Variants in ESCO2 observed in about 807,000 individuals in gnomAD.
ESCO2 encodes establishment of sister chromatid cohesion N-acetyltransferase 2, also known as N-acetyltransferase ESCO2.
ESCO2 carries 51 observed loss-of-function variants against 61.7 expected under a neutral mutation model. The observed-to-expected ratio is 0.83, with a 90% CI of 0.66 to 1.04. ESCO2 has a LOEUF of 1.04. Among genes scored for constraint, ESCO2 ranks in the 50% least tolerant of loss-of-function variants. The pLI is 0.00. For synonymous variants in ESCO2, 230 were observed against 238.2 expected (o/e 0.97, Z 0.32); for missense variants, 692 against 686.2 (o/e 1.01, Z -0.09).
At chr8:27,777,887 G>A (rs893451178) in intron 3 of ESCO2, 2 of 152,172 alleles carry the variant, frequency 1.3e-5, no homozygotes, top group Non-Finnish European at 2.9e-5. Flanking sequence ...TTATAGTCAT[G>A]TCTTTCCTAA....
chr8:27,808,797 TA>T (rs1275325097), downstream of ESCO2, among the ~76,000 whole-genome samples: 1 of 150,576 alleles, frequency 6.6e-6, no homozygotes, highest in Non-Finnish European at 1.5e-5. Flanking sequence ...AGAACAAGAA[TA>T]AAAAAAATTT....
Position 27,789,291 on chromosome 8 carries a change from C to T in ESCO2, c.1263+313C>T, listed in dbSNP as rs1805121156. Reference sequence around the variant, plus strand: ...TTTTTCTGAGAGGAGAGGTCCCACCCATTTATTAAACACCTTTCAAGTCCA... The same window carrying T: ...TTTTTCTGAGAGGAGAGGTCCCACCTATTTATTAAACACCTTTCAAGTCCA... On this transcript the variant is annotated intron_variant, in intron 7 of 10. Transcript: ENST00000305188. 2.0e-5 allele frequency among the ~76,000 whole-genome samples: 3 copies of T among 152,270 alleles called. No individual in the cohort carries two copies. The South Asian group carries it at 6.2e-4, about 32-fold the overall frequency.
downstream of ESCO2, among the ~76,000 whole-genome samples, chr8:27,813,557 A>G (rs927754063): frequency 6.6e-6 from 1 of 151,998 alleles, no homozygotes; most frequent in Non-Finnish European, 1.5e-5. Flanking sequence ...TGTTTGATAT[A>G]TGTAAACACT....
At chr8:27,819,387 T>A in the ESCO2 span, among the ~76,000 whole-genome samples, 1 of 152,146 alleles carries the variant, frequency 6.6e-6, no homozygotes, top group African/African-American at 2.4e-5. Context: ...TTTGAACATA[T>A]CAAATAGGGT....
At chr8:27,810,302 T>A (rs1805646529), downstream of ESCO2, 1 of 1,599,650 alleles carries the variant, frequency 6.3e-7, no homozygotes. Flanking sequence ...GCTGAGATGA[T>A]CACTAGACAT....
intron 10 of ESCO2, among the ~76,000 whole-genome samples, chr8:27,800,947 G>A (rs1004277052): frequency 6.6e-6 from 1 of 152,132 alleles, no homozygotes; most frequent in African/African-American, 2.4e-5. Flanking sequence ...GAGGAAAGAT[G>A]AATGGAGAGC....
At chr8:27,806,967 G>A (rs927616047), downstream of ESCO2, among the ~76,000 whole-genome samples, 2 of 151,824 alleles carry the variant, frequency 1.3e-5, no homozygotes, top group African/African-American at 2.4e-5. Context: ...CATCTTGTTT[G>A]CTGATATATA....
intron 7 of ESCO2, among the ~76,000 whole-genome samples, 189 bp downstream of exon 7, chr8:27,789,167 A>G (rs908137846): frequency 6.6e-6 from 1 of 152,218 alleles, no homozygotes; most frequent in Non-Finnish European, 1.5e-5. Flanking sequence ...GTCCAGATAT[A>G]CAAAATTCAG....
chr8:27,794,899 T>C (rs2128956565), intron 9 of ESCO2, among the ~76,000 whole-genome samples: 1 of 152,288 alleles, frequency 6.6e-6, no homozygotes, highest in South Asian at 2.1e-4. Context: ...AATGCCTGGA[T>C]TTATTTTATC....
At chr8:27,773,000 A>G (rs1804688667), upstream of ESCO2, among the ~76,000 whole-genome samples, 1 of 152,212 alleles carries the variant, frequency 6.6e-6, no homozygotes, top group African/African-American at 2.4e-5. Flanking sequence ...AAGGCCTGCC[A>G]TCCCAAACCT....
At chr8:27,808,684 C>CCAAAA (rs757570826), downstream of ESCO2, among the ~76,000 whole-genome samples, 23 of 106,590 alleles carry the variant, frequency 2.2e-4, no homozygotes, top group African/African-American at 7.9e-4. Context: ...GACCCTGTCT[C>CCAAAA]AAAAAAAAAA....
intron 9 of ESCO2, among the ~76,000 whole-genome samples, chr8:27,795,710 TATC>T (rs1805281070): frequency 6.6e-6 from 1 of 152,202 alleles, no homozygotes; most frequent in African/African-American, 2.4e-5. Context: ...TGAGAGTTCT[TATC>T]ATGAAAGGAT....
Position 27,780,260 on chromosome 8 carries a change from T to A in ESCO2, c.948T>A (p.Asn316Lys), listed in dbSNP as rs1312464646. The change falls in exon 4 of 11, where the codon AAT becomes AAA. Residue 316 changes from asparagine (N) to lysine (K), a missense_variant. Asn to Lys is a moderately conservative substitution (Grantham distance 94, BLOSUM62 0). Transcript: ENST00000305188. ...CTTCAGAGGATTCTCTTGGTGAGAA[T>A]AAGACAAGTAAGAGAAAACTCGCAT... ...AFSSEDSLGENKTISPKSTVY... is the reference protein window; with the variant it reads ...AFSSEDSLGEKKTISPKSTVY... 2 of 1,590,886 alleles carry A rather than the reference T, an allele frequency of 1.3e-6. No individual in the cohort carries two copies. Among genetic ancestry groups the A allele is most frequent in the Non-Finnish European group, 1.7e-6 (2 of 1,159,282 alleles).
chr8:27,800,633 A>T (rs1805402554), intron 10 of ESCO2, among the ~76,000 whole-genome samples: 2 of 152,222 alleles, frequency 1.3e-5, no homozygotes, highest in South Asian at 4.1e-4. Flanking sequence ...ACATGTCCAC[A>T]CAAAACCTTG....
chr8:27,784,832 C>G (rs1475784511), intron 5 of ESCO2, among the ~76,000 whole-genome samples: 2 of 152,190 alleles, frequency 1.3e-5, no homozygotes, highest in Non-Finnish European at 2.9e-5. Flanking sequence ...AAGGAACTTC[C>G]CGGCTACATT....
At chr8:27,788,062 C>T in intron 6 of ESCO2, 60 bp downstream of exon 6, 4 of 1,196,612 alleles carry the variant, frequency 3.3e-6, no homozygotes, top group Non-Finnish European at 5.0e-6. Flanking sequence ...GCTTGCCAAC[C>T]CCTGTATTAG....
chr8:27,787,886 T>C lies in ESCO2; in HGVS notation c.1015T>C (p.Ser339Pro), dbSNP rs1805082437. The C allele has an allele frequency of 6.2e-7, 1 of 1,608,482 alleles. No individual in the cohort carries two copies. The highest frequency in any genetic ancestry group is 2.2e-5 in the East Asian group (1 of 44,792). The change falls in exon 6 of 11, where the codon TCT becomes CCT. Residue 339 changes from serine (S) to proline (P), a missense_variant and splice_region_variant. Coordinates refer to ENST00000305188, the MANE Select transcript of ESCO2 (RefSeq NM_001017420.3). ...FSASSVNSKR[S>P]LGEEQFSVGS... The stretch of plus-strand genomic sequence containing the variant: ...TATATATCAACTTTCTGTGTCAAGA[T>C]CTTTAGGTGAAGAACAGTTTTCTGT...
In ESCO2 at chr8:27,780,253, G is replaced by T. The variant is rs1399440010; in HGVS notation, c.941G>T (p.Gly314Val). 2.5e-6 allele frequency: 4 copies of T among 1,604,442 alleles called. No homozygotes were observed. Among genetic ancestry groups the T allele is most frequent in the Non-Finnish European group, 3.4e-6 (4 of 1,171,610 alleles). Residue 314 changes from glycine to valine, a missense_variant, in exon 4 of 11, where the codon GGT becomes GTT. By Grantham distance (109) the Gly-to-Val change is moderately radical. Transcript: ENST00000305188. ...GCTTTTTCTTCAGAGGATTCTCTTG[G>T]TGAGAATAAGACAAGTAAGAGAAAA... ...NEAFSSEDSL[G>V]ENKTISPKST... is the part of the protein sequence containing the mutation.
chr8:27,775,355 G>A, intron 1 of ESCO2, 144 bp from the exon 2 acceptor site: 1 of 716,412 alleles, frequency 1.4e-6, no homozygotes, highest in East Asian at 2.6e-5. Context: ...ACCCTTGGAG[G>A]GGTGGAAGGA....
Sources: allele counts gnomAD v4.1 joint callset (sites outside exome capture counted in the v4.1 genomes callset), GRCh38; gene constraint gnomAD v4.1.1; transcripts MANE v1.5; gene names NCBI Gene and HGNC (gene_info 2026-07-23, HGNC 2026-07-21).